TRIM9: variants seen among roughly 807,000 people sequenced by gnomAD.
The protein encoded by TRIM9 is E3 ubiquitin-protein ligase TRIM9.
TRIM9 carries 26 observed loss-of-function variants against 78.3 expected under a neutral mutation model. The ratio of observed to expected loss-of-function variants is 0.33; its 90% CI spans 0.24 to 0.46. The LOEUF is 0.46. Ranked by LOEUF, TRIM9 falls within the 20% of genes least tolerant of loss-of-function variation. The pLI is 1.00. For missense variants in TRIM9, 787 were observed against 1,036.4 expected (o/e 0.76, Z 3.30); for synonymous variants, 398 against 416.5 (o/e 0.96, Z 0.54).
chr14:50,996,535 A>G, intron 7 of TRIM9: 1 of 985,422 alleles, frequency 1.0e-6, no homozygotes, highest in Non-Finnish European at 1.2e-6. Flanking sequence ...TATTAGCAAC[A>G]TTGCTACAAA....
intron 1 of TRIM9, among the ~76,000 whole-genome samples, chr14:51,076,730 G>C (rs1265431238): frequency 6.6e-6 from 1 of 152,174 alleles, no homozygotes; most frequent in Non-Finnish European, 1.5e-5. Context: ...AGTCCTTGGT[G>C]AATGGTCTGA....
intron 12 of TRIM9, among the ~76,000 whole-genome samples, chr14:50,978,204 C>T (rs1284676652): frequency 1.3e-5 from 2 of 152,150 alleles, no homozygotes; most frequent in African/African-American, 2.4e-5. Context: ...TACTGAAACA[C>T]AACAATGAAT....
intron 1 of TRIM9, among the ~76,000 whole-genome samples, chr14:51,044,981 G>A (rs1305292524): frequency 6.6e-6 from 1 of 152,168 alleles, no homozygotes; most frequent in African/African-American, 2.4e-5. Flanking sequence ...GGTGAGGATG[G>A]TGTTGAACTG....
intron 1 of TRIM9, among the ~76,000 whole-genome samples, chr14:51,078,423 T>C (rs1290956355): frequency 1.3e-5 from 2 of 152,188 alleles, no homozygotes; most frequent in African/African-American, 2.4e-5. Flanking sequence ...AGCCAAGATA[T>C]GGAAACAACC....
At chr14:51,046,203 T>A (rs2059938434) in intron 1 of TRIM9, among the ~76,000 whole-genome samples, 1 of 152,050 alleles carries the variant, frequency 6.6e-6, no homozygotes, top group South Asian at 2.1e-4. Context: ...TAGAGATAAG[T>A]AGGTGTGGTT....
chr14:51,075,010 T>C (rs2140262846), intron 1 of TRIM9, among the ~76,000 whole-genome samples: 1 of 152,330 alleles, frequency 6.6e-6, no homozygotes, highest in East Asian at 1.9e-4. Context: ...CGGACATTTT[T>C]ATCCAAAGAG....
rs17123448 is a variant in TRIM9, at chr14:51,010,170, C to T, written c.1152+214G>A. On this transcript the variant is annotated intron_variant, in intron 4 of 12. Coordinates refer to ENST00000684578, the MANE Select transcript of TRIM9 (RefSeq NM_001387360.1). ...AAGAAAAAGAAAAAAGCCCATGGAC[C>T]TCTCAGACTTGTAGTACATGGTGCC... 2.8e-3 allele frequency among the ~76,000 whole-genome samples: 427 copies of T among 152,138 alleles called. 5 individuals are homozygous for T. The South Asian group carries it at 0.029, about 10-fold the overall frequency.
At chr14:51,073,444 A>G (rs551912334) in intron 1 of TRIM9, among the ~76,000 whole-genome samples, 1 of 152,378 alleles carries the variant, frequency 6.6e-6, no homozygotes, top group Non-Finnish European at 1.5e-5. Context: ...AACATTCATA[A>G]AAATGGAATA....
At chr14:51,019,037 T>C (rs980748051) in intron 3 of TRIM9, among the ~76,000 whole-genome samples, 1 of 152,238 alleles carries the variant, frequency 6.6e-6, no homozygotes, top group Non-Finnish European at 1.5e-5. Context: ...AAGTGGCATA[T>C]GTAAAGTTTC....
At chr14:51,044,088 T>C (rs1461668129) in intron 1 of TRIM9, among the ~76,000 whole-genome samples, 1 of 152,220 alleles carries the variant, frequency 6.6e-6, no homozygotes, top group East Asian at 1.9e-4. Context: ...TTGTTTTTAA[T>C]TTTTAAAAAT....
At chr14:51,078,372 G>A (rs891096799) in intron 1 of TRIM9, among the ~76,000 whole-genome samples, 7 of 152,090 alleles carry the variant, frequency 4.6e-5, no homozygotes, top group African/African-American at 1.4e-4. Flanking sequence ...TCAGATATAT[G>A]AATTAAATAA....
At position 50,996,632 on chromosome 14, in the gene TRIM9, G is replaced by T. The variant is rs141871743; in HGVS notation, c.1603+1418C>A. 9 of 985,420 alleles carry T rather than the reference G, an allele frequency of 9.1e-6. No individual in the cohort carries two copies. In the East Asian group the frequency reaches 7.9e-4, roughly 87 times the overall value. The allele number at this position is 985,420 out of a possible 1,614,324, so 61.0% of individuals were successfully genotyped here. A position where few individuals can be genotyped will look rare whatever the true frequency, so the allele number is the denominator to read the frequency against. On this transcript the variant is annotated intron_variant, in intron 7 of 12. Transcript: ENST00000684578. Reference sequence around the variant, plus strand: ...GGAAATGAGGCCATCACCAGCAAGGGCCTTCTGCGTTGCATCTAGGAAAGA... The same window carrying T: ...GGAAATGAGGCCATCACCAGCAAGGTCCTTCTGCGTTGCATCTAGGAAAGA...
intron 1 of TRIM9, among the ~76,000 whole-genome samples, chr14:51,033,077 T>C (rs953785998): frequency 2.6e-5 from 4 of 152,196 alleles, no homozygotes; most frequent in African/African-American, 4.8e-5. Context: ...CAACCAATGT[T>C]ATTTTTATTT....
At position 51,094,753 on chromosome 14, in the gene TRIM9, G is replaced by T; in HGVS notation, c.187C>A (p.Leu63Met). The T allele has an allele frequency of 5.2e-6, 8 of 1,534,170 alleles. No homozygotes were observed. The highest frequency in any genetic ancestry group is 7.0e-6 in the Non-Finnish European group (8 of 1,141,802). The change falls in exon 1 of 13, where the codon CTG (leucine) becomes ATG (methionine). Residue 63 changes from leucine to methionine, a missense_variant. Coordinates refer to ENST00000684578, the MANE Select transcript of TRIM9 (RefSeq NM_001387360.1). The part of the protein sequence containing the change: ...AGSGVSDYDY[L>M]DLDKMSLYSE... ...TATAGGCTCATCTTGTCCAGGTCCAGATAGTCATAGTCGGAGACCCCGGAG... is the reference window on the plus strand; with the variant it reads ...TATAGGCTCATCTTGTCCAGGTCCATATAGTCATAGTCGGAGACCCCGGAG...
chr14:51,055,073 C>T lies in TRIM9; in HGVS notation c.823-29713G>A, dbSNP rs374603725. ...TCTTGACCTCGTGATCCGTCCGCCTCGGCCTCCCAAAGTGCTGGGATTACA... is the reference window on the plus strand; with the variant it reads ...TCTTGACCTCGTGATCCGTCCGCCTTGGCCTCCCAAAGTGCTGGGATTACA... On this transcript the variant is annotated intron_variant, in intron 1 of 12. Coordinates refer to ENST00000684578, the MANE Select transcript of TRIM9 (RefSeq NM_001387360.1). Among the ~76,000 whole-genome samples, 14 of 152,238 alleles carry T rather than the reference C, an allele frequency of 9.2e-5. No homozygotes were observed. In the East Asian group the frequency reaches 2.3e-3, roughly 25 times the overall value.
chr14:51,039,273 C>T (rs1268091323), intron 1 of TRIM9, among the ~76,000 whole-genome samples: 1 of 152,196 alleles, frequency 6.6e-6, no homozygotes, highest in African/African-American at 2.4e-5. Context: ...ACTGGCTCTT[C>T]CTAATAAAGT....
chr14:50,997,265 C>G (rs1276004742), intron 7 of TRIM9: 2 of 985,262 alleles, frequency 2.0e-6, no homozygotes, highest in East Asian at 2.3e-4. Context: ...AAATTCAAGC[C>G]TCTCATCTGA....
chr14:51,090,911 A>G (rs1056403242), intron 1 of TRIM9: 46 of 152,206 alleles, frequency 3.0e-4, no homozygotes, highest in African/African-American at 1.1e-3. Flanking sequence ...TTCAGTGACT[A>G]TTGAAACCCC....
intron 1 of TRIM9, among the ~76,000 whole-genome samples, chr14:51,083,071 A>T (rs2063450741): frequency 6.6e-6 from 1 of 152,206 alleles, no homozygotes; most frequent in Non-Finnish European, 1.5e-5. Context: ...CATAGAAATT[A>T]CTTAGATCAG....
Sources: allele counts gnomAD v4.1 joint callset (sites outside exome capture counted in the v4.1 genomes callset), GRCh38; gene constraint gnomAD v4.1.1; transcripts MANE v1.5; gene names NCBI Gene and HGNC (gene_info 2026-07-23, HGNC 2026-07-21).